Variants in MAP1LC3A observed in about 807,000 individuals in gnomAD.
The protein encoded by MAP1LC3A is microtubule associated protein 1 light chain 3 alpha, also known as microtubule-associated protein 1 light chain 3 alpha.
A neutral mutation model predicts 15.2 loss-of-function variants in MAP1LC3A; 10 were observed. The ratio of observed to expected loss-of-function variants is 0.66; its 90% confidence interval spans 0.41 to 1.12. The LOEUF is 1.12. Ranked by LOEUF, MAP1LC3A falls within the 50% of genes most tolerant of loss-of-function variation. The pLI, the probability that MAP1LC3A is intolerant of heterozygous loss-of-function variation, is 0.00. For missense variants in MAP1LC3A, 138 were observed against 167.3 expected, an observed-to-expected ratio of 0.82 and a Z score of 0.97; for synonymous variants, 63 against 64.3, an observed-to-expected ratio of 0.98 and a Z score of 0.10.
At chr20:34,553,724 C>T (rs1052398371), upstream of MAP1LC3A, among the ~76,000 whole-genome samples, 1 of 152,176 alleles carries the variant, frequency 6.6e-6, no homozygotes, top group Non-Finnish European at 1.5e-5. Context: ...TCTAAGGCCA[C>T]TACAGCAGAA....
intron 1 of MAP1LC3A, chr20:34,549,772 C>A: frequency 1.9e-6 from 1 of 525,600 alleles, no homozygotes; most frequent in Non-Finnish European, 3.4e-6. Flanking sequence ...TGGTAAACTG[C>A]CATGGCACTG....
rs1982273195 is a variant in MAP1LC3A, at chr20:34,558,829, C to T, written c.-40C>T. 2 of 1,427,048 alleles carry T rather than the reference C, an allele frequency of 1.4e-6. No individual in the cohort carries two copies. 88.4% of individuals were successfully genotyped at this position (1,427,048 alleles called of 1,614,324 possible). A position where few individuals can be genotyped will look rare whatever the true frequency, so the allele number is the denominator to read the frequency against. ...CCCAAACCGCAGACACATCCCCGCG[C>T]CCCAGAGCCCCGGCCTGCGCGCCCA... On this transcript the variant is annotated 5_prime_UTR_variant, in exon 1 of 4. Coordinates refer to ENST00000360668, the MANE Select transcript of MAP1LC3A (RefSeq NM_032514.4). This position sits in a 1 kb window ranked among gnomAD's most constrained non-coding sequence, Gnocchi z 4.3.
At chr20:34,553,582 C>G (rs938431729) in intron 2 of MAP1LC3A, among the ~76,000 whole-genome samples, 3 of 152,190 alleles carry the variant, frequency 2.0e-5, no homozygotes, top group African/African-American at 2.4e-5. Context: ...TTCTGTGGCA[C>G]TGTGTGTGTG....
At chr20:34,549,529 T>C (rs1174200766) in intron 1 of MAP1LC3A, among the ~76,000 whole-genome samples, 1 of 152,184 alleles carries the variant, frequency 6.6e-6, no homozygotes, top group Non-Finnish European at 1.5e-5. Context: ...CAGCCGGTGG[T>C]AGAAGAAAAC....
chr20:34,558,641 C>A (rs1420290272), upstream of MAP1LC3A: 8 of 1,228,156 alleles, frequency 6.5e-6, no homozygotes, highest in East Asian at 9.9e-5. The surrounding 1 kb of genome is among the most constrained non-coding windows in gnomAD (Gnocchi z 4.3). Context: ...CGGGTCCGGG[C>A]GGGCGGGTTG....
upstream of MAP1LC3A, chr20:34,558,660 C>A: frequency 8.1e-7 from 1 of 1,236,112 alleles, no homozygotes; most frequent in Non-Finnish European, 1.0e-6. The surrounding 1 kb of genome is among the most constrained non-coding windows in gnomAD (Gnocchi z 4.3). Flanking sequence ...TGTGCGTCGG[C>A]CCAATGGGAG....
rs1040204959 is a variant in MAP1LC3A, at chr20:34,558,791, A to C, written c.-78A>C. On this transcript the variant is annotated 5_prime_UTR_variant, in exon 1 of 4. Coordinates refer to ENST00000360668, the MANE Select transcript of MAP1LC3A (RefSeq NM_032514.4). The surrounding 1 kb of genome is among the most constrained non-coding windows in gnomAD (Gnocchi z 4.3). Reference sequence around the variant, plus strand: ...CGGAGCCCTTGAGCGCGAGGCGCGGAGCCCCCGGAGCCCCCAAACCGCAGA... The same window carrying C: ...CGGAGCCCTTGAGCGCGAGGCGCGGCGCCCCCGGAGCCCCCAAACCGCAGA... The C allele has an allele frequency of 7.4e-6, 10 of 1,356,438 alleles. No individual in the cohort carries two copies. The highest frequency in any genetic ancestry group is 3.1e-5 in the African/African-American group (2 of 64,914). 84.0% of individuals were successfully genotyped at this position (1,356,438 alleles called of 1,614,324 possible).
At position 34,559,368 on chromosome 20, in the gene MAP1LC3A, G is replaced by A. The variant is rs1475678343; in HGVS notation, c.118G>A (p.Gly40Ser). The A allele has an allele frequency of 1.1e-5, 18 of 1,612,728 alleles. No homozygotes were observed. The highest frequency in any genetic ancestry group is 1.4e-5 in the Non-Finnish European group (16 of 1,179,528). ...CCAGGTGATCATCGAGCGCTACAAG[G>A]GTGAGAAGCAGCTGCCCGTCCTGGA... ...KIPVIIERYK[G>S]EKQLPVLDKT... Residue 40 changes from glycine to serine, a missense_variant, in exon 3 of 4, where the codon GGT (glycine) becomes AGT (serine). Transcript: ENST00000360668.
chr20:34,551,197 A>G (rs1183317295), intron 2 of MAP1LC3A, among the ~76,000 whole-genome samples: 2 of 151,816 alleles, frequency 1.3e-5, no homozygotes, highest in Non-Finnish European at 2.9e-5. Flanking sequence ...GGTTGCAGTG[A>G]GCCAAGATCT....
At position 34,558,849 on chromosome 20, in the gene MAP1LC3A, C is replaced by T. The variant is rs1026555794; in HGVS notation, c.-20C>T. ...CCGCGCCCCAGAGCCCCGGCCTGCG[C>T]GCCCAGCCGGGCCCGCGCGATGCCC... On this transcript the variant is annotated 5_prime_UTR_variant, in exon 1 of 4. Transcript: ENST00000360668. The surrounding 1 kb of genome is among the most constrained non-coding windows in gnomAD (Gnocchi z 4.3). The T allele has an allele frequency of 7.0e-7, 1 of 1,435,212 alleles. No individual in the cohort carries two copies. The highest frequency in any genetic ancestry group is 9.1e-7 in the Non-Finnish European group (1 of 1,100,836). The allele number at this position is 1,435,212 out of a possible 1,614,324, so 88.9% of individuals were successfully genotyped here.
At position 34,558,950 on chromosome 20, in the gene MAP1LC3A, G is replaced by A. The variant is rs1982284391; in HGVS notation, c.40+42G>A. 1 of 1,356,758 alleles carries A rather than the reference G, an allele frequency of 7.4e-7. No homozygotes were observed. 84.0% of individuals were successfully genotyped at this position (1,356,758 alleles called of 1,614,324 possible). A position where few individuals can be genotyped will look rare whatever the true frequency, so the allele number is the denominator to read the frequency against. ...GAGCTGCGAGCTCTGGGGCAGGGGT[G>A]CCGGCCGACCCCGACTGCCGCAGGT... On this transcript the variant is annotated intron_variant, in intron 1 of 3. Transcript: ENST00000360668. The surrounding 1 kb of genome is among the most constrained non-coding windows in gnomAD (Gnocchi z 4.3).
At chr20:34,549,567 G>A (rs1009170280) in intron 1 of MAP1LC3A, among the ~76,000 whole-genome samples, 4 of 152,324 alleles carry the variant, frequency 2.6e-5, no homozygotes, top group South Asian at 2.1e-4. Flanking sequence ...GGCACGTTAC[G>A]GCTGTGACTG....
Position 34,559,770 on chromosome 20 carries a change from T to C in MAP1LC3A, c.238T>C (p.Phe80Leu). The C allele has an allele frequency of 6.2e-7, 1 of 1,612,050 alleles. No individual in the cohort carries two copies. Among genetic ancestry groups the C allele is most frequent in the Non-Finnish European group, 8.5e-7 (1 of 1,179,218 alleles). Residue 80 changes from phenylalanine (F) to leucine (L), a missense_variant, in exon 4 of 4, where the codon TTC (phenylalanine) becomes CTC (leucine). By Grantham distance (22) the Phe-to-Leu change is conservative (BLOSUM62 0). Coordinates refer to ENST00000360668, the MANE Select transcript of MAP1LC3A (RefSeq NM_032514.4). ...RLQLNPTQAF[F>L]LLVNQHSMVS... ...GCAGCTGAACCCCACGCAGGCCTTC[T>C]TCCTGCTGGTGAACCAGCACAGCAT...
chr20:34,559,161 A>C, intron 1 of MAP1LC3A, 47 bp from the exon 2 acceptor site: 1 of 1,503,154 alleles, frequency 6.7e-7, no homozygotes. Flanking sequence ...GGCGGGGCGG[A>C]CCTGGGCCGG....
chr20:34,558,762 GC>G lies in MAP1LC3A; in HGVS notation c.-103del. On this transcript the variant is annotated 5_prime_UTR_variant, in exon 1 of 4. Transcript: ENST00000360668. The surrounding 1 kb of genome is among the most constrained non-coding windows in gnomAD (Gnocchi z 4.3). ...GCCGCAGCCGCCGTGCTCAGCGCGAGCCCCGGAGCCCTTGAGCGCGAGGCGC... is the reference window on the plus strand; with the variant it reads ...GCCGCAGCCGCCGTGCTCAGCGCGAGCCCGGAGCCCTTGAGCGCGAGGCGC... The G allele has an allele frequency of 7.5e-7, 1 of 1,331,524 alleles. No individual in the cohort carries two copies. Among genetic ancestry groups the G allele is most frequent in the Non-Finnish European group, 9.5e-7 (1 of 1,048,228 alleles). 82.5% of individuals were successfully genotyped at this position (1,331,524 alleles called of 1,614,324 possible).
At chr20:34,558,580 C>A, upstream of MAP1LC3A, 1 of 1,194,864 alleles carries the variant, frequency 8.4e-7, no homozygotes, top group Non-Finnish European at 1.0e-6. The surrounding 1 kb of genome is among the most constrained non-coding windows in gnomAD (Gnocchi z 4.3). Flanking sequence ...CCAGAAGCCC[C>A]GCCCCTCGCG....
At chr20:34,553,701 C>G (rs1215649547) in intron 2 of MAP1LC3A, among the ~76,000 whole-genome samples, 1 of 152,182 alleles carries the variant, frequency 6.6e-6, no homozygotes, top group African/African-American at 2.4e-5. Context: ...TCCAGCCAAT[C>G]TCATTTAGGC....
At chr20:34,552,743 G>A (rs1309353347) in intron 2 of MAP1LC3A, among the ~76,000 whole-genome samples, 12 of 152,250 alleles carry the variant, frequency 7.9e-5, no homozygotes, top group Non-Finnish European at 1.6e-4. Context: ...AGATGTGGTC[G>A]GGGCTCTGGC....
Position 34,559,434 on chromosome 20 carries a change from G to A in MAP1LC3A, c.184G>A (p.Glu62Lys), listed in dbSNP as rs1308774124. The A allele has an allele frequency of 6.2e-7, 1 of 1,613,226 alleles. No homozygotes were observed. The highest frequency in any genetic ancestry group is 8.5e-7 in the Non-Finnish European group (1 of 1,179,694). Residue 62 changes from glutamate to lysine, a missense_variant, in exon 3 of 4, where the codon GAG (glutamate) becomes AAG (lysine). Coordinates refer to ENST00000360668, the MANE Select transcript of MAP1LC3A (RefSeq NM_032514.4). ...GGTCCCGGACCATGTCAACATGAGC[G>A]AGTTGGTCAAGATCATCCGGTGCGT... ...FLVPDHVNMS[E>K]LVKIIRRRLQ...
Sources: allele counts gnomAD v4.1 joint callset (sites outside exome capture counted in the v4.1 genomes callset), GRCh38; gene constraint gnomAD v4.1.1; non-coding constraint Gnocchi (gnomAD v3.1); transcripts MANE v1.5; gene names NCBI Gene and HGNC (gene_info 2026-07-23, HGNC 2026-07-21).